ANKRD11: variants seen among roughly 807,000 people sequenced by gnomAD.
The protein encoded by ANKRD11 is ankyrin repeat domain-containing protein 11.
In ANKRD11, 17 loss-of-function variants were observed where a neutral mutation model predicts 195.7. The ratio of observed to expected loss-of-function variants is 0.09; its 90% confidence interval spans 0.06 to 0.13. The LOEUF is 0.13. Among genes scored for constraint, ANKRD11 ranks in the 10% least tolerant of loss-of-function variants. The pLI is 1.00. For synonymous variants in ANKRD11, 1,953 were observed against 1,528.1 expected (o/e 1.28, Z -6.49); for missense variants, 3,735 against 3,566.1 (o/e 1.05, Z -1.21).
At chr16:89,329,032 G>C (rs1420140775) in intron 2 of ANKRD11, 1 of 143,404 alleles carries the variant, frequency 7.0e-6, no homozygotes, top group Non-Finnish European at 1.5e-5. Context: ...CCCCTGGTGA[G>C]TGAGTGGACG....
intron 2 of ANKRD11, chr16:89,360,776 C>G (rs936251496): frequency 1.3e-5 from 2 of 152,222 alleles, no homozygotes; most frequent in African/African-American, 4.8e-5. Flanking sequence ...GAAAAGATTT[C>G]GATTCACTAA....
chr16:89,451,138 T>C lies in ANKRD11; in HGVS notation c.-144-32770A>G, dbSNP rs1265325302. Reference sequence around the variant, plus strand: ...AAGTTCTTTACCACTTGGTCCTCTGTAGAAAAAGTTTGCCAATGCCTGGCC... The same window carrying C: ...AAGTTCTTTACCACTTGGTCCTCTGCAGAAAAAGTTTGCCAATGCCTGGCC... On this transcript the variant is annotated intron_variant, in intron 1 of 12. Coordinates refer to ENST00000301030, the MANE Select transcript of ANKRD11 (RefSeq NM_013275.6). Among the ~76,000 whole-genome samples the C allele has an allele frequency of 2.6e-5, 4 of 152,310 alleles. No individual in the cohort carries two copies. The East Asian group carries it at 7.7e-4, about 29-fold the overall frequency.
At position 89,334,160 on chromosome 16, in the gene ANKRD11, A is replaced by AC. The variant is rs1473899024; in HGVS notation, c.-59-17083_-59-17082insG. Among the ~76,000 whole-genome samples, 65 of 141,074 alleles carry AC rather than the reference A, an allele frequency of 4.6e-4. 1 individual carries two copies. The highest frequency in any genetic ancestry group is 6.7e-4 in the East Asian group (3 of 4,474). 92.6% of individuals were successfully genotyped at this position (141,074 alleles called of 152,430 possible). A position where few individuals can be genotyped will look rare whatever the true frequency, so the allele number is the denominator to read the frequency against. On this transcript the variant is annotated intron_variant, in intron 2 of 12. Transcript: ENST00000301030. The stretch of plus-strand genomic sequence containing the variant: ...CCTGTGTTTTAAAAAAAAAAAAAAA[A>AC]AAAAAAAAAAAAACAGAGAGAGAGA...
intron 2 of ANKRD11, among the ~76,000 whole-genome samples, chr16:89,396,363 C>A (rs4785666): frequency 7.2e-5 from 11 of 151,926 alleles, no homozygotes; most frequent in African/African-American, 2.4e-4. Flanking sequence ...CCCACACACA[C>A]GCGACGGAGC....
intron 6 of ANKRD11, 95 bp from the exon 7 acceptor site, chr16:89,288,765 G>T (rs986089789): frequency 1.3e-6 from 2 of 1,581,210 alleles, no homozygotes; most frequent in Non-Finnish European, 1.7e-6. Flanking sequence ...ACAGTGCGGG[G>T]ACAAGCCAGG....
chr16:89,381,264 G>A (rs919112240), intron 2 of ANKRD11, among the ~76,000 whole-genome samples: 1 of 150,884 alleles, frequency 6.6e-6, no homozygotes, highest in East Asian at 1.9e-4. Flanking sequence ...CCCGGGAGGC[G>A]GAGGTTGCAG....
At chr16:89,330,674 GGC>G (rs1408639730) in intron 2 of ANKRD11, among the ~76,000 whole-genome samples, 3 of 30,370 alleles carry the variant, frequency 9.9e-5, no homozygotes, top group African/African-American at 2.2e-4. Flanking sequence ...GGGGGGGGGG[GGC>G]GGGGGCGGAG....
chr16:89,363,495 A>G (rs1189693814), intron 2 of ANKRD11, among the ~76,000 whole-genome samples: 2 of 150,518 alleles, frequency 1.3e-5, no homozygotes, highest in Non-Finnish European at 3.0e-5. Flanking sequence ...AAAAAAAAAG[A>G]TTCAGTCTTG....
rs924589358 is a variant in ANKRD11 at position 89,283,196 on chromosome 16, C to T, written c.3346G>A (p.Ala1116Thr). Residue 1116 changes from alanine (A) to threonine (T), a missense_variant, in exon 9 of 13, where the codon GCA becomes ACA. Physicochemically the swap from Ala to Thr is moderately conservative, Grantham distance 58. Coordinates refer to ENST00000301030, the MANE Select transcript of ANKRD11 (RefSeq NM_013275.6). The surrounding 1 kb of genome is among the most constrained non-coding windows in gnomAD (Gnocchi z 4.3). ...TCACTCTCATCTGTGAAGATGTCTGCGATGTACCAGCTTTTCTCTTTGCCT... is the reference window on the plus strand; with the variant it reads ...TCACTCTCATCTGTGAAGATGTCTGTGATGTACCAGCTTTTCTCTTTGCCT... The part of the protein sequence containing the change: ...KKGKEKSWYI[A>T]DIFTDESEDD... The T allele has an allele frequency of 1.2e-6, 2 of 1,614,110 alleles. No individual in the cohort carries two copies. Among genetic ancestry groups the T allele is most frequent in the South Asian group, 2.2e-5 (2 of 91,076 alleles).
At chr16:89,455,545 T>C (rs1376766827) in intron 1 of ANKRD11, among the ~76,000 whole-genome samples, 1 of 152,120 alleles carries the variant, frequency 6.6e-6, no homozygotes, top group African/African-American at 2.4e-5. Flanking sequence ...ATGAGTAAGC[T>C]GCAAAAACTG....
At chr16:89,322,344 T>C (rs1341698412) in intron 2 of ANKRD11, among the ~76,000 whole-genome samples, 1 of 152,198 alleles carries the variant, frequency 6.6e-6, no homozygotes, top group Admixed American at 6.5e-5. Context: ...GAACAGGCCT[T>C]TACGTACGTC....
chr16:89,306,377 CACTT>C (rs760613382), intron 3 of ANKRD11, among the ~76,000 whole-genome samples: 19 of 54,182 alleles, frequency 3.5e-4, no homozygotes, highest in Admixed American at 4.8e-4. Context: ...AGACACGCGC[CACTT>C]ACCTCCCACT....
intron 1 of ANKRD11, among the ~76,000 whole-genome samples, chr16:89,430,494 A>T (rs994012145): frequency 4.0e-5 from 6 of 151,634 alleles, no homozygotes; most frequent in Admixed American, 3.9e-4. Flanking sequence ...TCTCACGCTC[A>T]GTCGTTCTAG....
chr16:89,307,019 G>GA (rs1315658560), intron 3 of ANKRD11, among the ~76,000 whole-genome samples: 19 of 146,956 alleles, frequency 1.3e-4, no homozygotes, highest in Non-Finnish European at 2.6e-4. Context: ...TGGGGAGGGG[G>GA]CAGTGTGACA....
intron 11 of ANKRD11, chr16:89,273,164 C>G (rs1353210232): frequency 6.6e-6 from 1 of 151,308 alleles, no homozygotes; most frequent in East Asian, 1.9e-4. Context: ...AGAGCGTTAA[C>G]TGGATTGTTT....
At chr16:89,314,053 G>A (rs992444613) in intron 3 of ANKRD11, among the ~76,000 whole-genome samples, 1 of 152,146 alleles carries the variant, frequency 6.6e-6, no homozygotes, top group Non-Finnish European at 1.5e-5. Context: ...GTAAGATCTC[G>A]TCTCTACAAA....
At chr16:89,366,803 G>T (rs542172619) in intron 2 of ANKRD11, among the ~76,000 whole-genome samples, 23 of 152,310 alleles carry the variant, frequency 1.5e-4, no homozygotes, top group Non-Finnish European at 3.1e-4. Context: ...CCAGGGCAGG[G>T]GTCAGCAAAG....
In ANKRD11 at chr16:89,285,521, C is replaced by A; in HGVS notation, c.1021G>T (p.Ala341Ser). The A allele has an allele frequency of 4.3e-6, 7 of 1,614,016 alleles. No homozygotes were observed. Among genetic ancestry groups the A allele is most frequent in the Non-Finnish European group, 5.9e-6 (7 of 1,179,934 alleles). Reference sequence around the variant, plus strand: ...AACTCATACTCGTCCTTGACGGGGGCCGTGGCCTTCTGTGGCTCTGGGTTC... The same window carrying A: ...AACTCATACTCGTCCTTGACGGGGGACGTGGCCTTCTGTGGCTCTGGGTTC... Reference protein sequence around the residue: ...AKNPEPQKATAPVKDEYEFDE... With the variant: ...AKNPEPQKATSPVKDEYEFDE... The change falls in exon 9 of 13, where the codon GCC becomes TCC. Residue 341 changes from alanine to serine, a missense_variant. Physicochemically the swap from Ala to Ser is moderately conservative, Grantham distance 99. Transcript: ENST00000301030. This position sits in a 1 kb window ranked among gnomAD's most constrained non-coding sequence, Gnocchi z 5.6.
At position 89,283,609 on chromosome 16, in the gene ANKRD11, T is replaced by A; in HGVS notation, c.2933A>T (p.Glu978Val). Reference protein sequence around the residue: ...PEEAHREELKECGCESGFKDK... With the variant: ...PEEAHREELKVCGCESGFKDK... ...CTTGAAGCCACTCTCGCAGCCACAC[T>A]CCTTCAGCTCCTCCCGGTGCGCCTC... Residue 978 changes from glutamate to valine, a missense_variant, in exon 9 of 13, where the codon GAG becomes GTG. By Grantham distance (121) the Glu-to-Val change is moderately radical. Transcript: ENST00000301030. This position sits in a 1 kb window ranked among gnomAD's most constrained non-coding sequence, Gnocchi z 4.3. 2 of 1,609,970 alleles carry A rather than the reference T, an allele frequency of 1.2e-6. No individual in the cohort carries two copies. The highest frequency in any genetic ancestry group is 1.7e-6 in the Non-Finnish European group (2 of 1,179,892).
Sources: allele counts gnomAD v4.1 joint callset (sites outside exome capture counted in the v4.1 genomes callset), GRCh38; gene constraint gnomAD v4.1.1; non-coding constraint Gnocchi (gnomAD v3.1); transcripts MANE v1.5; gene names NCBI Gene and HGNC (gene_info 2026-07-23, HGNC 2026-07-21).